Variants in C8orf34 observed in about 807,000 individuals in gnomAD.
C8orf34 encodes the protein chromosome 8 open reading frame 34, also known as uncharacterized protein C8orf34.
In C8orf34, 65 loss-of-function variants were observed where a neutral mutation model predicts 68.3. That is an observed-to-expected ratio of 0.95 (90% CI 0.78 to 1.17). The LOEUF is 1.17. C8orf34 is among the 50% of genes most tolerant of loss of function. The pLI is 0.00. For synonymous variants in C8orf34, 244 were observed against 241.2 expected, an observed-to-expected ratio of 1.01 and a Z score of -0.11; for missense variants, 664 against 655.4, an observed-to-expected ratio of 1.01 and a Z score of -0.14.
intron 4 of C8orf34, among the ~76,000 whole-genome samples, chr8:68,485,302 G>T (rs555376525): frequency 1.1e-4 from 17 of 152,000 alleles, no homozygotes; most frequent in Non-Finnish European, 2.1e-4. Flanking sequence ...TATGAATAAT[G>T]GATTCATAAA....
intron 9 of C8orf34, among the ~76,000 whole-genome samples, chr8:68,720,313 A>G (rs147284917): frequency 3.3e-5 from 5 of 152,098 alleles, no homozygotes; most frequent in African/African-American, 1.2e-4. Context: ...CTGAGTTATC[A>G]GAGATAGAGA....
At chr8:68,610,082 G>A (rs1384052349) in intron 7 of C8orf34, among the ~76,000 whole-genome samples, 1 of 152,172 alleles carries the variant, frequency 6.6e-6, no homozygotes, top group Admixed American at 6.5e-5. Context: ...AGTCTCACAT[G>A]TGAATTTCTG....
intron 5 of C8orf34, among the ~76,000 whole-genome samples, chr8:68,511,761 G>A (rs1814286206): frequency 6.6e-6 from 1 of 152,150 alleles, no homozygotes; most frequent in African/African-American, 2.4e-5. Context: ...AGAAGAACCA[G>A]GCAGAGAGAA....
At position 68,521,891 on chromosome 8, in the gene C8orf34, T is replaced by C; in HGVS notation, c.858T>C (p.Ala286=). The C allele has an allele frequency of 6.2e-7, 1 of 1,614,100 alleles. No individual in the cohort carries two copies. Among genetic ancestry groups the C allele is most frequent in the Non-Finnish European group, 8.5e-7 (1 of 1,179,992 alleles). ...AAAATGATGCTGATCCCCTAGCTGCTGAAATGCTACAGCCTCCAATTCCAA... is the reference window on the plus strand; with the variant it reads ...AAAATGATGCTGATCCCCTAGCTGCCGAAATGCTACAGCCTCCAATTCCAA... ...REENDADPLA[A]EMLQPPIPRS... The change falls in exon 6 of 14, where the codon GCT becomes GCC. Residue 286 remains alanine (A), a synonymous_variant. Transcript: ENST00000518698.
intron 1 of C8orf34, among the ~76,000 whole-genome samples, chr8:68,336,883 CA>C (rs1805875719): frequency 6.6e-6 from 1 of 152,024 alleles, no homozygotes; most frequent in Non-Finnish European, 1.5e-5. Context: ...ACCCCTAAGA[CA>C]ACTTGAGGGT....
intron 10 of C8orf34, among the ~76,000 whole-genome samples, chr8:68,747,229 G>T (rs1276065644): frequency 1.3e-5 from 2 of 151,526 alleles, no homozygotes; most frequent in African/African-American, 4.8e-5. Flanking sequence ...TTGATGGGAC[G>T]TATTTCAAAA....
rs114606305 is a variant in C8orf34, at chr8:68,409,083, G to A, written c.328-30416G>A. Reference sequence around the variant, plus strand: ...ATTACAGGCGTGAGCCACTGTGCCCGGCCTGAGCTGCCAGTCTTATAAAAG... The same window carrying A: ...ATTACAGGCGTGAGCCACTGTGCCCAGCCTGAGCTGCCAGTCTTATAAAAG... On this transcript the variant is annotated intron_variant, in intron 1 of 13. Coordinates refer to ENST00000518698, the MANE Select transcript of C8orf34 (RefSeq NM_052958.4). Among the ~76,000 whole-genome samples the A allele has an allele frequency of 5.9e-3, 898 of 151,888 alleles. 34 individuals carry two copies. In the East Asian group the frequency reaches 0.11, roughly 18 times the overall value.
chr8:68,492,293 G>A (rs982277270), intron 5 of C8orf34, among the ~76,000 whole-genome samples: 12 of 151,958 alleles, frequency 7.9e-5, no homozygotes, highest in Admixed American at 2.0e-4. Context: ...GCAGTGCTGC[G>A]ATCATAGCTC....
At chr8:68,799,321 G>A (rs1358954043) in intron 12 of C8orf34, among the ~76,000 whole-genome samples, 3 of 152,180 alleles carry the variant, frequency 2.0e-5, no homozygotes, top group Admixed American at 6.5e-5. Context: ...GATGGACGTA[G>A]GTTATAGGTC....
At chr8:68,526,682 G>C (rs1815004188) in intron 6 of C8orf34, among the ~76,000 whole-genome samples, 1 of 98,704 alleles carries the variant, frequency 1.0e-5, no homozygotes, top group Admixed American at 1.0e-4. Flanking sequence ...TTAATGACTG[G>C]AGTCAAAAAA....
chr8:68,648,279 A>G (rs925697139), intron 8 of C8orf34, among the ~76,000 whole-genome samples: 1 of 152,220 alleles, frequency 6.6e-6, no homozygotes, highest in Admixed American at 6.5e-5. Flanking sequence ...TCAGTAATGC[A>G]AATTGTCAGT....
At chr8:68,579,783 A>G (rs1489894155) in intron 7 of C8orf34, among the ~76,000 whole-genome samples, 1 of 152,168 alleles carries the variant, frequency 6.6e-6, no homozygotes, top group Non-Finnish European at 1.5e-5. Flanking sequence ...TGCCAAATGT[A>G]TGGCATATGT....
rs1821532025 is a variant in C8orf34 at position 68,718,196 on chromosome 8, A to G, written c.1328-3165A>G. Among the ~76,000 whole-genome samples, 3 of 152,034 alleles carry G rather than the reference A, an allele frequency of 2.0e-5. No homozygotes were observed. The East Asian group carries it at 5.8e-4, about 29-fold the overall frequency. On this transcript the variant is annotated intron_variant, in intron 9 of 13. Transcript: ENST00000518698. The stretch of plus-strand genomic sequence containing the variant: ...TGTGTGTTTCTCCTACTTCCATTGG[A>G]TTATATGCTGCTTGAAGTTTTCTTA...
At position 68,533,010 on chromosome 8, in the gene C8orf34, A is replaced by G. The variant is rs1309314484; in HGVS notation, c.966A>G (p.Gly322=). 6.2e-7 allele frequency: 1 copy of G among 1,605,996 alleles called. No homozygotes were observed. Among genetic ancestry groups the G allele is most frequent in the African/African-American group, 1.3e-5 (1 of 74,626 alleles). Residue 322 remains glycine, a synonymous_variant, in exon 7 of 14, where the codon GGA becomes GGG. Coordinates refer to ENST00000518698, the MANE Select transcript of C8orf34 (RefSeq NM_052958.4). ...TAAAGATGGAGCCTAAGAACAAAGG[A>G]TTAAAACAGCAGCAACAGCAACATA... is the stretch of plus-strand genomic sequence containing the variant. ...GSLKMEPKNK[G]LKQQQQQHKK... is the part of the protein sequence containing the mutation.
chr8:68,371,427 A>T (rs1807555319), intron 1 of C8orf34, among the ~76,000 whole-genome samples: 1 of 145,688 alleles, frequency 6.9e-6, no homozygotes, highest in Non-Finnish European at 1.5e-5. Flanking sequence ...ATTTTATGAC[A>T]TTCTATATGA....
At chr8:68,755,569 G>C (rs1451121217) in intron 10 of C8orf34, among the ~76,000 whole-genome samples, 1 of 152,134 alleles carries the variant, frequency 6.6e-6, no homozygotes, top group African/African-American at 2.4e-5. Context: ...AGATTACACA[G>C]CCAGGGAAGA....
At chr8:68,461,760 C>A (rs1004581241) in intron 3 of C8orf34, among the ~76,000 whole-genome samples, 2 of 152,132 alleles carry the variant, frequency 1.3e-5, no homozygotes, top group Admixed American at 6.5e-5. Flanking sequence ...TTGTCACCAC[C>A]AGGCCTGCCC....
intron 1 of C8orf34, among the ~76,000 whole-genome samples, chr8:68,334,120 A>T (rs985795356): frequency 7.9e-5 from 12 of 152,130 alleles, no homozygotes; most frequent in Admixed American, 5.9e-4. Flanking sequence ...TACTTAGTTT[A>T]TTGCTAATAT....
At chr8:68,777,849 T>C (rs1823566183) in intron 11 of C8orf34, among the ~76,000 whole-genome samples, 3 of 152,310 alleles carry the variant, frequency 2.0e-5, no homozygotes, top group Admixed American at 2.0e-4. Flanking sequence ...TCAATAATAA[T>C]TTTTTGTCTG....
Sources: gnomAD v4.1 joint callset for allele counts (sites outside exome capture counted in the v4.1 genomes callset) on GRCh38, gnomAD v4.1.1 for gene constraint, MANE v1.5 for transcripts, NCBI Gene and HGNC (gene_info 2026-07-23, HGNC 2026-07-21) for gene names.